The following ANO4 variants were observed in gnomAD, a reference collection of about 807,000 sequenced individuals.
The protein encoded by ANO4 is anoctamin-4.
In ANO4, 69 loss-of-function variants were observed where a neutral mutation model predicts 141.9. The observed-to-expected ratio is 0.49, with a 90% CI of 0.40 to 0.59. The LOEUF (loss-of-function observed/expected upper bound fraction) is 0.59. Ranked by LOEUF, ANO4 falls within the 20% of genes least tolerant of loss-of-function variation. ANO4 has a pLI of 0.00. For synonymous variants in ANO4, 350 were observed against 394.3 expected, an observed-to-expected ratio of 0.89 and a Z score of 1.33; for missense variants, 894 against 1,162.2, an observed-to-expected ratio of 0.77 and a Z score of 3.36.
At position 100,891,732 on chromosome 12, in the gene ANO4, G is replaced by T. The variant is rs537808051; in HGVS notation, c.-140-9914G>T. Among the ~76,000 whole-genome samples, 3 of 152,226 alleles carry T rather than the reference G, an allele frequency of 2.0e-5. No homozygotes were observed. In the East Asian group the frequency reaches 5.8e-4, roughly 29 times the overall value. Reference sequence around the variant, plus strand: ...CTAAATCAATGCAATTAATACATATGTTATATCACATACTTGTCAATTTTT... The same window carrying T: ...CTAAATCAATGCAATTAATACATATTTTATATCACATACTTGTCAATTTTT... On this transcript the variant is annotated intron_variant, in intron 1 of 27. Transcript: ENST00000392977.
chr12:100,723,647 T>C (rs901736350), intron 1 of ANO4, among the ~76,000 whole-genome samples: 2 of 152,240 alleles, frequency 1.3e-5, no homozygotes, highest in Admixed American at 1.3e-4. Flanking sequence ...AACACACTCA[T>C]GTATACATGT....
At chr12:100,829,709 T>G (rs2036541017) in intron 1 of ANO4, among the ~76,000 whole-genome samples, 1 of 152,122 alleles carries the variant, frequency 6.6e-6, no homozygotes, top group Non-Finnish European at 1.5e-5. Flanking sequence ...GTTTGTAGTA[T>G]TATGCCTGAT....
At chr12:100,881,377 C>T (rs1408777117) in intron 1 of ANO4, among the ~76,000 whole-genome samples, 2 of 149,896 alleles carry the variant, frequency 1.3e-5, no homozygotes, top group Admixed American at 1.3e-4. Context: ...AATGCATATT[C>T]ATATTCTGAA....
chr12:100,883,887 A>G (rs1004362716), intron 1 of ANO4, among the ~76,000 whole-genome samples: 25 of 152,208 alleles, frequency 1.6e-4, no homozygotes, highest in African/African-American at 5.8e-4. Flanking sequence ...AAATGGGGAA[A>G]ATGGAACACA....
Position 101,104,613 on chromosome 12 carries a change from GTGTATGTATGTGTGTATATATA to G in ANO4, c.2149+4895_2149+4916del, listed in dbSNP as rs1328949813. ...TATATATGTGTGTGTGTGTGTGTGT[GTGTATGTATGTGTGTATATATA>G]TATATATATATATATATATATATAT... On this transcript the variant is annotated intron_variant, in intron 22 of 27. Transcript: ENST00000392977. Among the ~76,000 whole-genome samples, 25 of 88,090 alleles carry G rather than the reference GTGTATGTATGTGTGTATATATA, an allele frequency of 2.8e-4. No individual in the cohort carries two copies. The South Asian group carries it at 5.0e-3, about 18-fold the overall frequency. 57.8% of individuals were successfully genotyped at this position (88,090 alleles called of 152,430 possible).
intron 3 of ANO4, among the ~76,000 whole-genome samples, chr12:100,752,112 G>A (rs536112087): frequency 6.6e-6 from 1 of 152,300 alleles, no homozygotes; most frequent in East Asian, 1.9e-4. Flanking sequence ...ATCCTAAAAT[G>A]TTAGCGAAAG....
At chr12:100,797,751 C>T (rs1252147764) in intron 1 of ANO4, among the ~76,000 whole-genome samples, 7 of 151,952 alleles carry the variant, frequency 4.6e-5, no homozygotes, top group Admixed American at 4.6e-4. Flanking sequence ...AAATTATAAA[C>T]CAAGTCTCCC....
intron 3 of ANO4, among the ~76,000 whole-genome samples, chr12:100,930,185 A>C (rs1191782665): frequency 6.6e-6 from 1 of 151,986 alleles, no homozygotes; most frequent in Non-Finnish European, 1.5e-5. Flanking sequence ...TTTTAACTTG[A>C]TGTGATCCCA....
At chr12:100,739,284 T>G (rs900145508) in intron 2 of ANO4, among the ~76,000 whole-genome samples, 1 of 151,986 alleles carries the variant, frequency 6.6e-6, no homozygotes, top group Non-Finnish European at 1.5e-5. Flanking sequence ...TCTCAGACCC[T>G]ATCCCTAGAA....
chr12:100,836,699 A>C (rs1012499057), intron 1 of ANO4, among the ~76,000 whole-genome samples: 2 of 152,062 alleles, frequency 1.3e-5, no homozygotes, highest in African/African-American at 4.8e-5. Flanking sequence ...TTTTTCTTCA[A>C]ATGGAGGAAA....
chr12:100,756,636 C>T (rs929966243), intron 3 of ANO4, among the ~76,000 whole-genome samples: 54 of 152,234 alleles, frequency 3.5e-4, no homozygotes, highest in Non-Finnish European at 2.9e-5. Flanking sequence ...GCATGAGCCA[C>T]TGCGCCCGGC....
intron 7 of ANO4, 27 bp from the exon 8 acceptor site, chr12:100,987,512 T>C: frequency 6.2e-7 from 1 of 1,609,810 alleles, no homozygotes; most frequent in Non-Finnish European, 8.5e-7. Flanking sequence ...TGCTGTACCC[T>C]TTGGTCTTGC....
intron 14 of ANO4, among the ~76,000 whole-genome samples, chr12:101,063,861 A>T (rs1349238678): frequency 2.1e-5 from 3 of 141,042 alleles, no homozygotes; most frequent in African/African-American, 5.3e-5. Context: ...TTCCTATAGG[A>T]TGTGTTATGA....
Position 100,862,135 on chromosome 12 carries a change from C to G in ANO4, c.-140-39511C>G, listed in dbSNP as rs1457050313. Among the ~76,000 whole-genome samples the G allele has an allele frequency of 3.3e-5, 5 of 152,008 alleles. No homozygotes were observed. In the East Asian group the frequency reaches 9.6e-4, roughly 29 times the overall value. Reference sequence around the variant, plus strand: ...AGCCACGGGGTCTCATTATGTTGCCCAAGCTGGCCTCAAACACCTGGGCTC... The same window carrying G: ...AGCCACGGGGTCTCATTATGTTGCCGAAGCTGGCCTCAAACACCTGGGCTC... On this transcript the variant is annotated intron_variant, in intron 1 of 27. Coordinates refer to ENST00000392977, the MANE Select transcript of ANO4 (RefSeq NM_001286615.2).
chr12:100,998,856 G>T (rs777330845), intron 8 of ANO4, among the ~76,000 whole-genome samples: 1 of 152,174 alleles, frequency 6.6e-6, no homozygotes, highest in Non-Finnish European at 1.5e-5. Flanking sequence ...ATTTATTATA[G>T]GAATATGATA....
intron 3 of ANO4, among the ~76,000 whole-genome samples, chr12:100,924,546 G>T (rs1357715310): frequency 6.6e-6 from 1 of 152,080 alleles, no homozygotes; most frequent in Non-Finnish European, 1.5e-5. Flanking sequence ...AATATAAGGG[G>T]ATCAGCTATT....
intron 7 of ANO4, 68 bp from the exon 8 acceptor site, chr12:100,987,471 C>A: frequency 1.3e-6 from 2 of 1,576,700 alleles, no homozygotes; most frequent in South Asian, 1.2e-5. Context: ...CTGCGGAGAC[C>A]TTCCTCCTGT....
intron 3 of ANO4, among the ~76,000 whole-genome samples, chr12:100,747,442 A>G (rs984119743): frequency 6.6e-6 from 1 of 152,124 alleles, no homozygotes; most frequent in Non-Finnish European, 1.5e-5. Context: ...CCTCCTCTGT[A>G]TGTGTTCAAG....
chr12:100,897,475 C>T (rs182320867), intron 1 of ANO4, among the ~76,000 whole-genome samples: 49 of 152,306 alleles, frequency 3.2e-4, no homozygotes, highest in African/African-American at 1.1e-3. Flanking sequence ...CACCATGTAG[C>T]GTGCCAAGTG....
Sources: allele counts gnomAD v4.1 joint callset (sites outside exome capture counted in the v4.1 genomes callset), GRCh38; gene constraint gnomAD v4.1.1; transcripts MANE v1.5; gene names NCBI Gene and HGNC (gene_info 2026-07-23, HGNC 2026-07-21).